RALYL: variants seen among roughly 807,000 people sequenced by gnomAD.
The protein encoded by RALYL is RALY RNA binding protein like.
A neutral mutation model predicts 35.1 loss-of-function variants in RALYL; 29 were observed. The ratio of observed to expected loss-of-function variants is 0.83; its 90% CI spans 0.61 to 1.13. The LOEUF is 1.13. Ranked by LOEUF, RALYL falls within the 50% of genes most tolerant of loss-of-function variation. RALYL has a pLI of 0.00. For missense variants in RALYL, 359 were observed against 360.4 expected (o/e 1.00, Z 0.03); for synonymous variants, 120 against 127.6 (o/e 0.94, Z 0.40).
At chr8:84,576,144 A>T (rs1394721825) in intron 2 of RALYL, among the ~76,000 whole-genome samples, 1 of 152,132 alleles carries the variant, frequency 6.6e-6, no homozygotes, top group Non-Finnish European at 1.5e-5. Context: ...TTTTTTCTTC[A>T]AGCGTTTACT....
At chr8:84,691,097 G>A (rs1006794932) in intron 2 of RALYL, among the ~76,000 whole-genome samples, 4 of 152,048 alleles carry the variant, frequency 2.6e-5, no homozygotes, top group African/African-American at 9.7e-5. Flanking sequence ...ACTGTTTGAA[G>A]AATTTCCACA....
At chr8:84,615,392 T>C (rs1324070095) in intron 2 of RALYL, among the ~76,000 whole-genome samples, 2 of 150,082 alleles carry the variant, frequency 1.3e-5, no homozygotes, top group Non-Finnish European at 3.0e-5. Context: ...CTGCATACAA[T>C]AGACTATCAA....
intron 2 of RALYL, among the ~76,000 whole-genome samples, chr8:84,579,529 C>T (rs976845807): frequency 6.6e-6 from 1 of 152,188 alleles, no homozygotes; most frequent in East Asian, 1.9e-4. Flanking sequence ...CTCCTCTGTG[C>T]ACCCTGCATC....
intron 1 of RALYL, among the ~76,000 whole-genome samples, chr8:84,439,541 TG>T (rs2048108789): frequency 6.6e-6 from 1 of 152,190 alleles, no homozygotes; most frequent in Admixed American, 6.6e-5. Context: ...TCATCATTTT[TG>T]AGGGAATCTT....
intron 3 of RALYL, among the ~76,000 whole-genome samples, chr8:84,791,598 A>C (rs1820793135): frequency 1.3e-5 from 2 of 152,174 alleles, no homozygotes; most frequent in African/African-American, 4.8e-5. Context: ...AGAATGTGGG[A>C]GACCAGGCAG....
chr8:84,819,620 AT>A (rs1828067802), intron 4 of RALYL, among the ~76,000 whole-genome samples: 1 of 152,180 alleles, frequency 6.6e-6, no homozygotes, highest in African/African-American at 2.4e-5. Context: ...GTCTTTTACA[AT>A]TAAAAAAATG....
intron 1 of RALYL, among the ~76,000 whole-genome samples, chr8:84,502,369 A>G (rs1030390421): frequency 2.3e-4 from 35 of 152,104 alleles, no homozygotes; most frequent in Admixed American, 2.2e-3. Context: ...CTGCATGAAG[A>G]AGAAAGTCTA....
rs931513748 is a variant in RALYL, at chr8:84,183,503, C to T, written c.-945C>T. ...GCAGAGACTGCGAGAAAAAAACGCGCTTCATTCCTTCTTCCACCGCCATAC... is the reference window on the plus strand; with the variant it reads ...GCAGAGACTGCGAGAAAAAAACGCGTTTCATTCCTTCTTCCACCGCCATAC... On this transcript the variant is annotated 5_prime_UTR_variant, in exon 1 of 9. Coordinates refer to ENST00000521268, the MANE Select transcript of RALYL (RefSeq NM_173848.7). The T allele has an allele frequency of 1.3e-5, 2 of 152,362 alleles. No individual in the cohort carries two copies. Among genetic ancestry groups the T allele is most frequent in the Non-Finnish European group, 2.9e-5 (2 of 68,114 alleles). The allele number at this position is 152,362 out of a possible 1,614,324, so 9.4% of individuals were successfully genotyped here. A position where few individuals can be genotyped will look rare whatever the true frequency, so the allele number is the denominator to read the frequency against.
Position 84,714,444 on chromosome 8 carries a change from C to T in RALYL, c.257-60135C>T, listed in dbSNP as rs181832717. Among the ~76,000 whole-genome samples, 594 of 151,468 alleles carry T rather than the reference C, an allele frequency of 3.9e-3. 6 individuals carry two copies. Among genetic ancestry groups the T allele is most frequent in the African/African-American group, 0.013 (546 of 41,406 alleles). On this transcript the variant is annotated intron_variant, in intron 2 of 8. Coordinates refer to ENST00000521268, the MANE Select transcript of RALYL (RefSeq NM_173848.7). ...GACATGGTAATGGATATGTTTCATT[C>T]ATTAAGTTGACTTAGCCACTCCACA...
chr8:84,243,886 A>G (rs554659589), intron 1 of RALYL, among the ~76,000 whole-genome samples: 1 of 152,276 alleles, frequency 6.6e-6, no homozygotes, highest in South Asian at 2.1e-4. Flanking sequence ...AGTCAGGAGG[A>G]CATGCACCCT....
At chr8:84,751,856 CTT>C (rs1273831510) in intron 2 of RALYL, among the ~76,000 whole-genome samples, 1 of 152,146 alleles carries the variant, frequency 6.6e-6, no homozygotes, top group Non-Finnish European at 1.5e-5. Context: ...AATTAAATCT[CTT>C]TTCTTCATAA....
chr8:84,423,490 T>C (rs1294438549), intron 1 of RALYL, among the ~76,000 whole-genome samples: 2 of 152,174 alleles, frequency 1.3e-5, no homozygotes, highest in African/African-American at 4.8e-5. Flanking sequence ...TGATGGATCT[T>C]GACTCTTTAT....
intron 1 of RALYL, among the ~76,000 whole-genome samples, chr8:84,279,770 C>T (rs777380804): frequency 2.6e-5 from 4 of 152,092 alleles, no homozygotes; most frequent in Admixed American, 1.3e-4. Context: ...CTTTTTACCA[C>T]TGATTTTTAC....
chr8:84,379,053 G>C (rs762843594), intron 1 of RALYL, among the ~76,000 whole-genome samples: 1 of 151,804 alleles, frequency 6.6e-6, no homozygotes, highest in South Asian at 2.1e-4. Flanking sequence ...CTCCATGTTC[G>C]ACAGCCTGTG....
chr8:84,729,995 A>T (rs558197286), intron 2 of RALYL, among the ~76,000 whole-genome samples: 3 of 152,142 alleles, frequency 2.0e-5, no homozygotes, highest in Admixed American at 2.0e-4. Flanking sequence ...AACTATTCCA[A>T]TCAATAGAAA....
chr8:84,270,578 G>GTT (rs1268982690), intron 1 of RALYL, among the ~76,000 whole-genome samples: 17 of 151,738 alleles, frequency 1.1e-4, no homozygotes, highest in African/African-American at 4.1e-4. Flanking sequence ...GTGTGTGTGT[G>GTT]TGTGTATGTA....
chr8:84,636,515 G>C (rs568231145), intron 2 of RALYL, among the ~76,000 whole-genome samples: 2 of 151,804 alleles, frequency 1.3e-5, no homozygotes, highest in Non-Finnish European at 2.9e-5. Context: ...TCTTGATACT[G>C]TCAGCTGAGT....
At chr8:84,507,691 A>G (rs538425888) in intron 1 of RALYL, among the ~76,000 whole-genome samples, 50 of 152,290 alleles carry the variant, frequency 3.3e-4, no homozygotes, top group African/African-American at 1.2e-3. Flanking sequence ...GGCAGAGCAC[A>G]TGTTTGGCAC....
At chr8:84,216,057 T>C (rs955371220) in intron 1 of RALYL, among the ~76,000 whole-genome samples, 2 of 152,134 alleles carry the variant, frequency 1.3e-5, no homozygotes, top group African/African-American at 4.8e-5. Flanking sequence ...TTTGCACTTA[T>C]CATATATTAA....
Sources: gnomAD v4.1 joint callset for allele counts (sites outside exome capture counted in the v4.1 genomes callset) on GRCh38, gnomAD v4.1.1 for gene constraint, MANE v1.5 for transcripts, NCBI Gene and HGNC (gene_info 2026-07-23, HGNC 2026-07-21) for gene names.